The following IGFL2 variants were observed in gnomAD, a reference collection of about 807,000 sequenced individuals.
The protein encoded by IGFL2 is IGF like family member 2.
A neutral mutation model predicts 13.9 loss-of-function variants in IGFL2; 7 were observed. The observed-to-expected ratio is 0.51, with a 90% CI of 0.29 to 0.95. The LOEUF is 0.95. Among genes scored for constraint, IGFL2 ranks in the 40% least tolerant of loss-of-function variants. The pLI is 0.08. For synonymous variants in IGFL2, 55 were observed against 55.8 expected (o/e 0.99, Z 0.07); for missense variants, 138 against 147.8 (o/e 0.93, Z 0.34).
chr19:46,177,465 T>C, the IGFL2 span, among the ~76,000 whole-genome samples: 2 of 152,038 alleles, frequency 1.3e-5, no homozygotes, highest in Non-Finnish European at 2.9e-5. Context: ...CAATGTAATA[T>C]ATATATACAT....
the IGFL2 span, among the ~76,000 whole-genome samples, chr19:46,195,571 A>G: frequency 6.6e-6 from 1 of 152,034 alleles, no homozygotes; most frequent in South Asian, 2.1e-4. Context: ...AGGAGTCTAA[A>G]TGTATGTATT....
the IGFL2 span, among the ~76,000 whole-genome samples, chr19:46,199,196 G>A: frequency 4.6e-5 from 7 of 152,252 alleles, no homozygotes; most frequent in Non-Finnish European, 1.0e-4. Context: ...CTGTGTCTGT[G>A]ACCAGCAGTG....
chr19:46,127,021 G>A, the IGFL2 span, among the ~76,000 whole-genome samples: 1 of 152,164 alleles, frequency 6.6e-6, no homozygotes, highest in African/African-American at 2.4e-5. Context: ...CACTTGAAAA[G>A]CTCCCAGCAC....
chr19:46,094,699 G>T, the IGFL2 span, among the ~76,000 whole-genome samples: 4 of 151,904 alleles, frequency 2.6e-5, no homozygotes, highest in Non-Finnish European at 1.5e-5. Flanking sequence ...CCACTGACAG[G>T]CCCCAGTGTG....
the IGFL2 span, chr19:46,136,788 T>C: frequency 2.0e-5 from 13 of 659,098 alleles, no homozygotes; most frequent in African/African-American, 2.1e-4. Context: ...TCCAACCCGT[T>C]TGAGTGCAAC....
intron 1 of IGFL2, among the ~76,000 whole-genome samples, chr19:46,151,704 G>A (rs182359802): frequency 6.6e-5 from 10 of 152,244 alleles, no homozygotes; most frequent in East Asian, 3.9e-4. Flanking sequence ...GATCTCAGGC[G>A]TTAAGAGACC....
chr19:46,187,690 G>T, the IGFL2 span, among the ~76,000 whole-genome samples: 1 of 150,164 alleles, frequency 6.7e-6, no homozygotes, highest in Non-Finnish European at 1.5e-5. Flanking sequence ...AGGTTGTGCT[G>T]CTGGTGTGTG....
chr19:46,192,987 C>T, the IGFL2 span, among the ~76,000 whole-genome samples: 4 of 109,630 alleles, frequency 3.6e-5, no homozygotes, highest in South Asian at 2.6e-4. Context: ...GTCAGGAGTT[C>T]GAGACCAGCC....
chr19:46,138,521 T>C (rs1250576241), upstream of IGFL2, among the ~76,000 whole-genome samples: 1 of 152,030 alleles, frequency 6.6e-6, no homozygotes, highest in Non-Finnish European at 1.5e-5. Flanking sequence ...TGGGGGAGCA[T>C]TGATGTCTGT....
At chr19:46,215,152 G>A in the IGFL2 span, among the ~76,000 whole-genome samples, 1 of 152,128 alleles carries the variant, frequency 6.6e-6, no homozygotes, top group African/African-American at 2.4e-5. Flanking sequence ...TGGATATTTA[G>A]GTTGATGTTT....
chr19:46,090,647 T>C, the IGFL2 span, among the ~76,000 whole-genome samples: 2 of 152,242 alleles, frequency 1.3e-5, no homozygotes, highest in Admixed American at 6.5e-5. Context: ...TGGAATCTCA[T>C]GGCTTCTGAG....
the IGFL2 span, among the ~76,000 whole-genome samples, chr19:46,101,474 G>T: frequency 6.6e-6 from 1 of 152,174 alleles, no homozygotes; most frequent in East Asian, 1.9e-4. Flanking sequence ...GATGGGTCAG[G>T]GTCCAGCCTA....
the IGFL2 span, among the ~76,000 whole-genome samples, chr19:46,119,404 G>A: frequency 6.6e-5 from 10 of 152,080 alleles, no homozygotes; most frequent in African/African-American, 9.7e-5. Context: ...CCACACACAG[G>A]GATCATCGTT....
chr19:46,082,629 AT>A, the IGFL2 span, among the ~76,000 whole-genome samples: 1,179 of 141,956 alleles, frequency 8.3e-3, 8 homozygotes, highest in African/African-American at 0.019. Context: ...CTGTGTCTCC[AT>A]TTTTTTTTTT....
chr19:46,201,568 A>AGGACAATCT, the IGFL2 span, among the ~76,000 whole-genome samples: 1 of 152,232 alleles, frequency 6.6e-6, no homozygotes, highest in Admixed American at 6.5e-5. Context: ...TCAAGGCCTG[A>AGGACAATCT]GGACAATCTG....
At chr19:46,212,196 A>T in the IGFL2 span, 4 of 152,394 alleles carry the variant, frequency 2.6e-5, no homozygotes, top group African/African-American at 7.2e-5. Context: ...AGACAGGGAG[A>T]TGGTGCTGGA....
At chr19:46,142,896 G>A (rs1050599978), upstream of IGFL2, among the ~76,000 whole-genome samples, 4 of 152,164 alleles carry the variant, frequency 2.6e-5, no homozygotes, top group Non-Finnish European at 5.9e-5. Flanking sequence ...AGCCTTCACA[G>A]CAAATATTGT....
upstream of IGFL2, among the ~76,000 whole-genome samples, chr19:46,140,611 A>G (rs1237926311): frequency 6.6e-6 from 1 of 152,234 alleles, no homozygotes; most frequent in African/African-American, 2.4e-5. Flanking sequence ...GAACAAAGTA[A>G]AAAATTAACA....
chr19:46,148,272 A>G lies in IGFL2; in HGVS notation c.-7A>G, dbSNP rs2146831159. 1 of 1,551,468 alleles carries G rather than the reference A, an allele frequency of 6.4e-7. No homozygotes were observed. The highest frequency in any genetic ancestry group is 1.2e-5 in the South Asian group (1 of 84,056). ...TGCTGCTGTCCCATCAGCTGCTCTG[A>G]AGCTCCATGGTGCCCAGAATCTTCG... On this transcript the variant is annotated 5_prime_UTR_variant, in exon 1 of 4. Transcript: ENST00000377693.
Sources: allele counts gnomAD v4.1 joint callset (sites outside exome capture counted in the v4.1 genomes callset), GRCh38; gene constraint gnomAD v4.1.1; transcripts MANE v1.5; gene names NCBI Gene and HGNC (gene_info 2026-07-23, HGNC 2026-07-21).